Variants in PTH2R observed in about 807,000 individuals in gnomAD.
PTH2R encodes the protein parathyroid hormone 2 receptor.
Under a neutral mutation model 60.3 loss-of-function variants are expected in PTH2R, and 59 were observed. That is an observed-to-expected ratio of 0.98 (90% CI 0.79 to 1.22). PTH2R has a LOEUF of 1.22. Among genes scored for constraint, PTH2R ranks in the 50% most tolerant of loss-of-function variants. The probability of loss-of-function intolerance (pLI) is 0.00; values close to 1 mark genes in which losing one functional copy is unlikely to be tolerated. For missense variants in PTH2R, 749 were observed against 682.6 expected (o/e 1.10, Z -1.08); for synonymous variants, 256 against 243.8 (o/e 1.05, Z -0.47).
chr2:208,413,748 G>T (rs1245045826), intron 1 of PTH2R, among the ~76,000 whole-genome samples: 1 of 152,180 alleles, frequency 6.6e-6, no homozygotes, highest in African/African-American at 2.4e-5. Context: ...AAGTGTAAGG[G>T]TTGAAGAAGG....
At chr2:208,415,299 G>A (rs1281999311) in intron 1 of PTH2R, among the ~76,000 whole-genome samples, 2 of 152,084 alleles carry the variant, frequency 1.3e-5, no homozygotes, top group African/African-American at 4.8e-5. Flanking sequence ...GGATTTTATT[G>A]TATTTTAAAA....
chr2:208,386,527 T>G (rs185592708), intron 1 of PTH2R, among the ~76,000 whole-genome samples: 291 of 152,318 alleles, frequency 1.9e-3, no homozygotes, highest in Non-Finnish European at 3.6e-3. Flanking sequence ...TGTGTGTGTG[T>G]GATACAGACA....
At chr2:208,455,461 C>G (rs1226657202) in intron 8 of PTH2R, among the ~76,000 whole-genome samples, 1 of 152,172 alleles carries the variant, frequency 6.6e-6, no homozygotes, top group African/African-American at 2.4e-5. Context: ...CATGTGACCA[C>G]CTTGCAAAAT....
intron 8 of PTH2R, among the ~76,000 whole-genome samples, chr2:208,457,835 A>G (rs1702545296): frequency 6.6e-6 from 1 of 152,208 alleles, no homozygotes; most frequent in Admixed American, 6.5e-5. Flanking sequence ...GTGTGTACTG[A>G]AAATGTTTTA....
At chr2:208,376,401 T>G (rs1267805873) in intron 1 of PTH2R, among the ~76,000 whole-genome samples, 2 of 152,122 alleles carry the variant, frequency 1.3e-5, no homozygotes, top group Non-Finnish European at 2.9e-5. Flanking sequence ...ATGTGTGTTT[T>G]TATATATAAA....
chr2:208,439,140 T>A (rs565074640), intron 4 of PTH2R, among the ~76,000 whole-genome samples: 1 of 152,288 alleles, frequency 6.6e-6, no homozygotes, highest in South Asian at 2.1e-4. Flanking sequence ...GAGCTGTTAA[T>A]GGCCATTAAA....
intron 1 of PTH2R, among the ~76,000 whole-genome samples, chr2:208,382,653 C>G (rs186757306): frequency 1.3e-5 from 2 of 152,296 alleles, no homozygotes; most frequent in Admixed American, 6.5e-5. Flanking sequence ...TTGGTAGATT[C>G]ATCTGTTTTT....
chr2:208,405,005 T>C (rs540093062), upstream of PTH2R, among the ~76,000 whole-genome samples: 1 of 152,236 alleles, frequency 6.6e-6, no homozygotes, highest in Non-Finnish European at 1.5e-5. Context: ...AACCCTACTT[T>C]GATTTCTAAG....
At position 208,388,141 on chromosome 2, in the gene PTH2R, C is replaced by CCT. The variant is rs1553541038; in HGVS notation, c.-259+27905_-259+27906insTC. Among the ~76,000 whole-genome samples the CCT allele has an allele frequency of 3.6e-4, 54 of 150,418 alleles. 1 individual carries two copies. Among genetic ancestry groups the CCT allele is most frequent in the Admixed American group, 7.3e-4 (11 of 15,140 alleles). The stretch of plus-strand genomic sequence containing the variant: ...TGGCTAACATGGTGAAACCCCCCCC[C>CCT]CCGTCTCTACTAAAAATACAAAAAA... On this transcript the variant is annotated intron_variant, in intron 1 of 12. Coordinates refer to the PTH2R transcript ENST00000617735.
intron 1 of PTH2R, among the ~76,000 whole-genome samples, chr2:208,423,115 CCTT>C (rs1701789520): frequency 6.6e-6 from 1 of 151,280 alleles, no homozygotes; most frequent in African/African-American, 2.4e-5. Flanking sequence ...TTTATGATGT[CCTT>C]CTTTCTACTT....
At chr2:208,457,820 T>G (rs1004035462) in intron 8 of PTH2R, among the ~76,000 whole-genome samples, 3 of 152,278 alleles carry the variant, frequency 2.0e-5, no homozygotes, top group Admixed American at 6.5e-5. Flanking sequence ...AATATGTAGT[T>G]CTTAGTGTGT....
chr2:208,475,485 A>T (rs1369740986), intron 9 of PTH2R, among the ~76,000 whole-genome samples: 1 of 152,202 alleles, frequency 6.6e-6, no homozygotes, highest in Non-Finnish European at 1.5e-5. Context: ...TAGAATTCAT[A>T]TGCTTATTTT....
At chr2:208,406,563 G>C (rs985162839), upstream of PTH2R, among the ~76,000 whole-genome samples, 2 of 152,188 alleles carry the variant, frequency 1.3e-5, no homozygotes, top group African/African-American at 4.8e-5. Context: ...GGCGCCCCTA[G>C]AGACAGGGCC....
At chr2:208,479,780 G>A (rs149950011) in intron 9 of PTH2R, among the ~76,000 whole-genome samples, 28 of 152,306 alleles carry the variant, frequency 1.8e-4, no homozygotes, top group African/African-American at 5.8e-4. Context: ...AATTCTAGCC[G>A]ATTGGTGGAT....
intron 10 of PTH2R, among the ~76,000 whole-genome samples, chr2:208,485,015 T>C (rs1182663246): frequency 1.3e-5 from 2 of 152,152 alleles, no homozygotes; most frequent in Admixed American, 1.3e-4. Context: ...GAGAGATAGA[T>C]ACTATGATTG....
At chr2:208,369,447 C>G (rs1700653422) in intron 1 of PTH2R, among the ~76,000 whole-genome samples, 1 of 151,182 alleles carries the variant, frequency 6.6e-6, no homozygotes, top group Non-Finnish European at 1.5e-5. Context: ...GCTCACTGCA[C>G]CCTCCACCTT....
intron 10 of PTH2R, among the ~76,000 whole-genome samples, chr2:208,482,338 T>A (rs765544058): frequency 1.3e-5 from 2 of 151,888 alleles, no homozygotes; most frequent in African/African-American, 2.4e-5. Flanking sequence ...GTCCAGGGGG[T>A]CACCGCCTTC....
At chr2:208,383,474 T>G (rs1464660091) in intron 1 of PTH2R, among the ~76,000 whole-genome samples, 1 of 152,246 alleles carries the variant, frequency 6.6e-6, no homozygotes, top group Non-Finnish European at 1.5e-5. Flanking sequence ...CTTGTAGAAT[T>G]GTTGCAAAAG....
At position 208,443,449 on chromosome 2, in the gene PTH2R, A is replaced by G. The variant is rs578200668; in HGVS notation, c.611A>G (p.His204Arg). 1.2e-6 allele frequency: 2 copies of G among 1,613,934 alleles called. No homozygotes were observed. Among genetic ancestry groups the G allele is most frequent in the South Asian group, 2.2e-5 (2 of 91,018 alleles). Residue 204 changes from histidine to arginine, a missense_variant, in exon 6 of 13, where the codon CAC becomes CGC. Coordinates refer to ENST00000272847, the MANE Select transcript of PTH2R (RefSeq NM_005048.4). The stretch of plus-strand genomic sequence containing the variant: ...GTCAAAGACAGAGTAGTCCATGCTC[A>G]CATAGGAGTAAAGGAGCTGGAGTCC... ...IFVKDRVVHA[H>R]IGVKELESLI... is the part of the protein sequence containing the mutation.
Sources: allele counts gnomAD v4.1 joint callset (sites outside exome capture counted in the v4.1 genomes callset), GRCh38; gene constraint gnomAD v4.1.1; transcripts MANE v1.5; gene names NCBI Gene and HGNC (gene_info 2026-07-23, HGNC 2026-07-21).